The following PTPRT variants were observed in gnomAD, a reference collection of about 807,000 sequenced individuals.
The protein encoded by PTPRT is receptor-type tyrosine-protein phosphatase T.
PTPRT carries 56 observed loss-of-function variants against 176.8 expected under a neutral mutation model. The observed-to-expected ratio is 0.32, with a 90% confidence interval of 0.26 to 0.40. The LOEUF is 0.40. Ranked by LOEUF, PTPRT falls within the 10% of genes least tolerant of loss-of-function variation. The probability of loss-of-function intolerance (pLI) is 1.00; values close to 1 mark genes in which losing one functional copy is unlikely to be tolerated. For synonymous variants in PTPRT, 783 were observed against 739.0 expected, an observed-to-expected ratio of 1.06 and a Z score of -0.96; for missense variants, 1,540 against 1,908.2, an observed-to-expected ratio of 0.81 and a Z score of 3.60.
In PTPRT at chr20:42,943,399, C is replaced by T. The variant is rs144243192; in HGVS notation, c.89-57467G>A. On this transcript the variant is annotated intron_variant, in intron 1 of 30. Coordinates refer to ENST00000373187, the MANE Select transcript of PTPRT (RefSeq NM_007050.6). ...AGAGCCTTCGGGTCAGAAGCTTGTG[C>T]CCAATGCCTAAAGTTGAGCGGGTGC... Among the ~76,000 whole-genome samples the T allele has an allele frequency of 3.9e-3, 601 of 152,250 alleles. 1 individual carries two copies. The highest frequency in any genetic ancestry group is 6.8e-3 in the Middle Eastern group (2 of 294).
At chr20:43,164,936 C>T (rs2014814132) in intron 1 of PTPRT, among the ~76,000 whole-genome samples, 1 of 152,142 alleles carries the variant, frequency 6.6e-6, no homozygotes, top group Non-Finnish European at 1.5e-5. Flanking sequence ...AGTTTTCTGG[C>T]TCCTAGGCTA....
intron 16 of PTPRT, among the ~76,000 whole-genome samples, chr20:42,173,116 C>G (rs1990146876): frequency 6.6e-6 from 1 of 152,132 alleles, no homozygotes; most frequent in Non-Finnish European, 1.5e-5. Context: ...TTGACTTGTT[C>G]CAGTGACTAG....
intron 6 of PTPRT, among the ~76,000 whole-genome samples, chr20:42,715,054 T>C (rs548593923): frequency 1.3e-5 from 2 of 152,256 alleles, no homozygotes; most frequent in African/African-American, 2.4e-5. Flanking sequence ...CAGGTTATAG[T>C]AGTGAATATT....
intron 3 of PTPRT, 48 bp downstream of exon 3, chr20:42,791,147 A>G (rs143565006): frequency 8.5e-5 from 130 of 1,530,436 alleles, no homozygotes; most frequent in Non-Finnish European, 1.1e-4. Context: ...AAAGGTGTAT[A>G]GATTTATTAC....
intron 9 of PTPRT, among the ~76,000 whole-genome samples, chr20:42,378,099 C>T (rs572293431): frequency 1.3e-5 from 2 of 152,082 alleles, no homozygotes; most frequent in African/African-American, 4.8e-5. Flanking sequence ...GGAGCCAAAC[C>T]GACATTTGAT....
chr20:42,948,639 A>G (rs953130135), intron 1 of PTPRT, among the ~76,000 whole-genome samples: 12 of 152,216 alleles, frequency 7.9e-5, no homozygotes, highest in Non-Finnish European at 1.3e-4. Context: ...AAGTGAAGAG[A>G]TAAGACAGAG....
chr20:42,797,976 G>A (rs2077476494), intron 2 of PTPRT, among the ~76,000 whole-genome samples: 1 of 152,178 alleles, frequency 6.6e-6, no homozygotes, highest in African/African-American at 2.4e-5. Flanking sequence ...GACCCACTTA[G>A]GACTTCTGAT....
At chr20:42,898,732 C>T (rs966708117) in intron 1 of PTPRT, among the ~76,000 whole-genome samples, 7 of 152,158 alleles carry the variant, frequency 4.6e-5, no homozygotes, top group South Asian at 2.1e-4. Context: ...TGTCTTCTCA[C>T]GGGCCCCAGC....
At chr20:42,397,633 C>T (rs1371458518) in intron 9 of PTPRT, among the ~76,000 whole-genome samples, 6 of 152,266 alleles carry the variant, frequency 3.9e-5, no homozygotes, top group Non-Finnish European at 5.9e-5. Context: ...ATTTCTTTTT[C>T]GGGTCTGCAT....
intron 15 of PTPRT, among the ~76,000 whole-genome samples, chr20:42,208,323 C>T (rs1202511673): frequency 1.3e-5 from 2 of 150,364 alleles, no homozygotes; most frequent in East Asian, 1.9e-4. Flanking sequence ...GGACTAAATG[C>T]TCCAATTAAA....
chr20:42,545,955 T>C (rs1730169845), intron 7 of PTPRT, among the ~76,000 whole-genome samples: 2 of 152,212 alleles, frequency 1.3e-5, no homozygotes, highest in African/African-American at 2.4e-5. Flanking sequence ...TGTTTTTTTC[T>C]ATATTAGTTT....
intron 1 of PTPRT, among the ~76,000 whole-genome samples, chr20:43,059,749 T>G (rs1022060616): frequency 1.3e-5 from 2 of 152,198 alleles, no homozygotes; most frequent in Non-Finnish European, 1.5e-5. Context: ...GAGACTGAGG[T>G]GGGCAGATCA....
chr20:42,645,986 C>G (rs1005022778), intron 7 of PTPRT, among the ~76,000 whole-genome samples: 2 of 152,128 alleles, frequency 1.3e-5, no homozygotes, highest in African/African-American at 4.8e-5. Flanking sequence ...GCACCTACCA[C>G]TCTTCCTGGC....
At chr20:43,173,705 G>A (rs1406398727) in intron 1 of PTPRT, among the ~76,000 whole-genome samples, 1 of 152,192 alleles carries the variant, frequency 6.6e-6, no homozygotes, top group Non-Finnish European at 1.5e-5. Flanking sequence ...TGAAATCAGG[G>A]GCAGCTATAT....
intron 2 of PTPRT, among the ~76,000 whole-genome samples, chr20:42,876,236 C>G (rs2078928824): frequency 6.6e-6 from 1 of 152,140 alleles, no homozygotes; most frequent in Non-Finnish European, 1.5e-5. Flanking sequence ...TCAACAATTG[C>G]TAAATGGGAA....
chr20:42,756,427 C>G, intron 6 of PTPRT, 35 bp downstream of exon 6: 2 of 1,488,000 alleles, frequency 1.3e-6, no homozygotes, highest in Non-Finnish European at 1.8e-6. Context: ...TGCCAACCTT[C>G]CATGGCAGTA....
intron 1 of PTPRT, among the ~76,000 whole-genome samples, chr20:42,922,908 C>G (rs1979246819): frequency 1.3e-5 from 2 of 152,118 alleles, no homozygotes; most frequent in African/African-American, 4.8e-5. Flanking sequence ...AAGTATCAAG[C>G]CTCCCTCAGG....
intron 11 of PTPRT, among the ~76,000 whole-genome samples, chr20:42,336,681 A>T (rs2058044687): frequency 6.6e-6 from 1 of 151,982 alleles, no homozygotes; most frequent in African/African-American, 2.4e-5. Context: ...ACATGAATAA[A>T]TTTGTGATTG....
intron 1 of PTPRT, among the ~76,000 whole-genome samples, chr20:43,183,877 T>C (rs1380378379): frequency 1.3e-5 from 2 of 152,264 alleles, no homozygotes; most frequent in East Asian, 1.9e-4. Context: ...TTCCTTTTTA[T>C]TCCTAGTCAT....
Sources: allele counts gnomAD v4.1 joint callset (sites outside exome capture counted in the v4.1 genomes callset), GRCh38; gene constraint gnomAD v4.1.1; transcripts MANE v1.5; gene names NCBI Gene and HGNC (gene_info 2026-07-23, HGNC 2026-07-21).